Variants in LTBP4 observed in about 807,000 individuals in gnomAD.
LTBP4 encodes the protein latent transforming growth factor beta binding protein 4.
LTBP4 carries 93 observed loss-of-function variants against 180.2 expected under a neutral mutation model. The observed-to-expected ratio is 0.52, with a 90% CI of 0.44 to 0.61. The LOEUF (loss-of-function observed/expected upper bound fraction) is 0.61. Ranked by LOEUF, LTBP4 falls within the 20% of genes least tolerant of loss-of-function variation. LTBP4 has a pLI of 0.00. For synonymous variants in LTBP4, 947 were observed against 934.5 expected (o/e 1.01, Z -0.24); for missense variants, 2,116 against 2,256.5 (o/e 0.94, Z 1.26).
At chr19:40,619,877 A>G (rs1414500018) in intron 22 of LTBP4, among the ~76,000 whole-genome samples, 2 of 152,182 alleles carry the variant, frequency 1.3e-5, no homozygotes, top group Non-Finnish European at 2.9e-5. Context: ...GGGAAAGCCC[A>G]GGGGGGTTTT....
chr19:40,595,726 T>C (rs2081386336), intron 1 of LTBP4, among the ~76,000 whole-genome samples: 1 of 151,774 alleles, frequency 6.6e-6, no homozygotes, highest in Admixed American at 6.6e-5. Flanking sequence ...GTTTTATGTA[T>C]TTATTTATTA....
At chr19:40,623,045 AC>A (rs2081597688) in intron 24 of LTBP4, 24 bp downstream of exon 24, 1 of 1,576,164 alleles carries the variant, frequency 6.3e-7, no homozygotes, top group Non-Finnish European at 8.6e-7. Context: ...TTGACCCTCC[AC>A]CCCACTCAGC....
intron 19 of LTBP4, 145 bp from the exon 20 acceptor site, chr19:40,616,744 G>A (rs2081551683): frequency 9.7e-7 from 1 of 1,027,280 alleles, no homozygotes. Flanking sequence ...AAAAAACAAA[G>A]TTTTCAACAT....
intron 1 of LTBP4, 42 bp from the exon 2 acceptor site, chr19:40,604,993 C>T: frequency 5.7e-6 from 9 of 1,568,148 alleles, no homozygotes; most frequent in Non-Finnish European, 7.8e-6. Flanking sequence ...GAGAACCTGC[C>T]AGGAATGGTG....
At chr19:40,604,270 G>C (rs1259211615) in intron 1 of LTBP4, among the ~76,000 whole-genome samples, 2 of 152,032 alleles carry the variant, frequency 1.3e-5, no homozygotes, top group Non-Finnish European at 2.9e-5. Flanking sequence ...GGCTACAAAG[G>C]GGGCACAGCC....
intron 29 of LTBP4, among the ~76,000 whole-genome samples, chr19:40,628,136 A>G (rs1248769863): frequency 6.6e-6 from 1 of 152,238 alleles, no homozygotes; most frequent in African/African-American, 2.4e-5. Flanking sequence ...TTGCAGTGCT[A>G]CCTTGGGCAG....
At position 40,605,659 on chromosome 19, in the gene LTBP4, G is replaced by C. The variant is rs916164844; in HGVS notation, c.690+7G>C. 6.4e-7 allele frequency: 1 copy of C among 1,559,144 alleles called. No individual in the cohort carries two copies. Among genetic ancestry groups the C allele is most frequent in the African/African-American group, 1.4e-5 (1 of 73,544 alleles). On this transcript the variant is annotated splice_region_variant and intron_variant, in intron 3 of 29. Transcript: ENST00000396819. This position sits in a 1 kb window ranked among gnomAD's most constrained non-coding sequence, Gnocchi z 5.5. Reference sequence around the variant, plus strand: ...GGAGCTGCGCGGAGGCGAAGTGAGAGGAGGCCCGTGGGGAGGGGCCCGGAG... The same window carrying C: ...GGAGCTGCGCGGAGGCGAAGTGAGACGAGGCCCGTGGGGAGGGGCCCGGAG...
rs1001844525 is a variant in LTBP4 at position 40,622,029 on chromosome 19, A to G, written c.3218-372A>G. On this transcript the variant is annotated intron_variant, in intron 22 of 29. Coordinates refer to ENST00000396819, the MANE Select transcript of LTBP4 (RefSeq NM_001042545.2). This position sits in a 1 kb window ranked among gnomAD's most constrained non-coding sequence, Gnocchi z 5.1. ...CTCCTGAAGTGCTGGGAGGACAGGCAGGAGCCACTGCACCTGGCGACAAAT... is the reference window on the plus strand; with the variant it reads ...CTCCTGAAGTGCTGGGAGGACAGGCGGGAGCCACTGCACCTGGCGACAAAT... 6.6e-6 allele frequency among the ~76,000 whole-genome samples: 1 copy of G among 152,180 alleles called. No homozygotes were observed. The highest frequency in any genetic ancestry group is 2.4e-5 in the African/African-American group (1 of 41,458).
At chr19:40,628,061 C>T (rs1371281872) in intron 29 of LTBP4, among the ~76,000 whole-genome samples, 1 of 152,226 alleles carries the variant, frequency 6.6e-6, no homozygotes, top group Admixed American at 6.5e-5. Flanking sequence ...CAGGGCAGGG[C>T]TTAACCACGG....
rs576276243 is a variant in LTBP4 at position 40,605,822 on chromosome 19, G to A, written c.784G>A (p.Glu262Lys). The A allele has an allele frequency of 1.3e-6, 2 of 1,537,986 alleles. No homozygotes were observed. The highest frequency in any genetic ancestry group is 2.7e-5 in the African/African-American group (2 of 73,106). Reference sequence around the variant, plus strand: ...CGTTCACGACTGTCAGCTGTGCTCCGAGCGCCTGGGTAAGCCCCAGGACGT... The same window carrying A: ...CGTTCACGACTGTCAGCTGTGCTCCAAGCGCCTGGGTAAGCCCCAGGACGT... ...WGVHDCQLCSERLGNSERVSA... is the reference protein window; with the variant it reads ...WGVHDCQLCSKRLGNSERVSA... The change falls in exon 4 of 30, where the codon GAG (glutamate) becomes AAG (lysine). Residue 262 changes from glutamate to lysine, a missense_variant. This residue lies in a region of LTBP4 where 469 missense variants were observed against 532.5 expected (regional missense o/e 0.88). Coordinates refer to ENST00000396819, the MANE Select transcript of LTBP4 (RefSeq NM_001042545.2). The surrounding 1 kb of genome is among the most constrained non-coding windows in gnomAD (Gnocchi z 5.5).
Position 40,617,037 on chromosome 19 carries a change from C to G in LTBP4, c.2944+17C>G. The G allele has an allele frequency of 6.8e-6, 11 of 1,612,900 alleles. No homozygotes were observed. Among genetic ancestry groups the G allele is most frequent in the Non-Finnish European group, 9.3e-6 (11 of 1,178,934 alleles). On this transcript the variant is annotated intron_variant, in intron 20 of 29. Transcript: ENST00000396819. ...GATGCCAGGGTGGGTGTCCATCAGG[C>G]ATCGGGTGAGATGTGGAGATGGTAG...
chr19:40,608,871 A>C, intron 9 of LTBP4: 1 of 232,602 alleles, frequency 4.3e-6, no homozygotes. Flanking sequence ...AGATCGTGCC[A>C]TTGCACTCCA....
chr19:40,602,856 C>T (rs1478830159), intron 1 of LTBP4, among the ~76,000 whole-genome samples: 1 of 152,140 alleles, frequency 6.6e-6, no homozygotes. Context: ...CAGAGAAATG[C>T]CTCTGGAGCC....
rs201619081 is a variant in LTBP4 at position 40,611,236 on chromosome 19, C to T, written c.1895C>T (p.Pro632Leu). The change falls in exon 13 of 30, where the codon CCG (proline) becomes CTG (leucine). Residue 632 changes from proline (P) to leucine (L), a missense_variant. Physicochemically the swap from Pro to Leu is moderately conservative, Grantham distance 98. Transcript: ENST00000396819. The surrounding 1 kb of genome is among the most constrained non-coding windows in gnomAD (Gnocchi z 4.4). ...CCTGGCTCTTTCCGCTGTGTTTGCC[C>T]GGCTGGCTTCCGGGGCTCGGCGTGT... ...NLPGSFRCVC[P>L]AGFRGSACEE... The T allele has an allele frequency of 6.2e-5, 100 of 1,613,432 alleles. No individual in the cohort carries two copies. The highest frequency in any genetic ancestry group is 3.3e-4 in the Middle Eastern group (2 of 6,034).
intron 1 of LTBP4, among the ~76,000 whole-genome samples, chr19:40,595,985 A>G (rs1379107159): frequency 1.6e-5 from 2 of 121,562 alleles, no homozygotes; most frequent in African/African-American, 6.4e-5. Flanking sequence ...CAGTGGTGTG[A>G]TCTTGGCTCA....
chr19:40,597,166 G>A (rs2081395083), upstream of LTBP4: 9 of 1,260,744 alleles, frequency 7.1e-6, no homozygotes, highest in Non-Finnish European at 9.0e-6. Context: ...GGGGGCAGGG[G>A]CGGGGCCGGG....
intron 14 of LTBP4, 34 bp downstream of exon 14, chr19:40,612,018 G>T: frequency 6.2e-7 from 1 of 1,612,510 alleles, no homozygotes; most frequent in African/African-American, 1.3e-5. Flanking sequence ...AGTGTGGATG[G>T]GTGAGGGGGG....
At position 40,608,496 on chromosome 19, in the gene LTBP4, C is replaced by G; in HGVS notation, c.1319C>G (p.Thr440Ser). 2 of 1,604,112 alleles carry G rather than the reference C, an allele frequency of 1.2e-6. No individual in the cohort carries two copies. Among genetic ancestry groups the G allele is most frequent in the South Asian group, 2.2e-5 (2 of 89,334 alleles). Residue 440 changes from threonine to serine, a missense_variant, in exon 9 of 30, where the codon ACC becomes AGC. Around this residue, in one of 5 missense-constraint regions of LTBP4, gnomAD observed 877 missense variants for 873.6 expected, o/e 1.00. Transcript: ENST00000396819. The part of the protein sequence containing the change: ...TSRPSAGFLP[T>S]HRLEPRPEPR... ...CCTTCTTTATCAGGCTTTCTGCCCA[C>G]CCATCGCCTGGAGCCCCGGCCTGAA... is the stretch of plus-strand genomic sequence containing the variant.
upstream of LTBP4, chr19:40,597,463 A>G (rs1345824165): frequency 1.5e-6 from 2 of 1,354,754 alleles, no homozygotes; most frequent in Non-Finnish European, 1.9e-6. Context: ...TTCAGGGGAA[A>G]CTCGAACCCA....
Sources: gnomAD v4.1 joint callset for allele counts (sites outside exome capture counted in the v4.1 genomes callset) on GRCh38, gnomAD v4.1.1 for gene constraint, gnomAD v4.1.1 regional missense constraint, Gnocchi (gnomAD v3.1) non-coding constraint, MANE v1.5 for transcripts, NCBI Gene and HGNC (gene_info 2026-07-23, HGNC 2026-07-21) for gene names.